RELN: variants seen among roughly 807,000 people sequenced by gnomAD.
RELN encodes the protein reelin.
In RELN, 108 loss-of-function variants were observed where a neutral mutation model predicts 427.6. The ratio of observed to expected loss-of-function variants is 0.25; its 90% CI spans 0.22 to 0.30. The LOEUF (loss-of-function observed/expected upper bound fraction) is 0.30. Among genes scored for constraint, RELN ranks in the 10% least tolerant of loss-of-function variants. The pLI, the probability that RELN is intolerant of heterozygous loss-of-function variation, is 1.00. For missense variants in RELN, 3,715 were observed against 4,302.8 expected (o/e 0.86, Z 3.82); for synonymous variants, 1,524 against 1,513.4 (o/e 1.01, Z -0.16).
At chr7:103,952,975 A>G (rs1044988100) in intron 1 of RELN, among the ~76,000 whole-genome samples, 1 of 152,126 alleles carries the variant, frequency 6.6e-6, no homozygotes, top group African/African-American at 2.4e-5. Context: ...CTCGCTATGC[A>G]CTCATTAGAT....
chr7:103,877,132 G>A (rs898460769), intron 2 of RELN, among the ~76,000 whole-genome samples: 1 of 151,850 alleles, frequency 6.6e-6, no homozygotes, highest in African/African-American at 2.4e-5. Flanking sequence ...ATAAATATTG[G>A]TACACCTCAG....
At chr7:103,729,609 GT>G (rs1369378241) in intron 6 of RELN, among the ~76,000 whole-genome samples, 1 of 152,042 alleles carries the variant, frequency 6.6e-6, no homozygotes, top group South Asian at 2.1e-4. Context: ...TCTTCCCTTG[GT>G]TACTGTGAAG....
At chr7:103,585,337 T>G (rs908900054) in intron 28 of RELN, among the ~76,000 whole-genome samples, 9 of 151,898 alleles carry the variant, frequency 5.9e-5, no homozygotes, top group African/African-American at 2.2e-4. Flanking sequence ...GAGAGAAGAT[T>G]CAAATAAGCA....
chr7:103,693,530 C>A (rs1460861675), intron 10 of RELN, among the ~76,000 whole-genome samples: 1 of 137,038 alleles, frequency 7.3e-6, no homozygotes. Context: ...AGAACTATAA[C>A]AAAATCCAGC....
intron 2 of RELN, among the ~76,000 whole-genome samples, chr7:103,839,302 G>GTTTTTTTTTTTTTTTTTTT (rs1793492405): frequency 1.3e-5 from 1 of 75,048 alleles, no homozygotes; most frequent in African/African-American, 4.9e-5. Context: ...AGTGGTCTTT[G>GTTTTTTTTTTTTTTTTTTT]CTTTTTTTTT....
intron 4 of RELN, among the ~76,000 whole-genome samples, chr7:103,755,076 A>G (rs1339198795): frequency 1.3e-5 from 2 of 152,128 alleles, no homozygotes; most frequent in Non-Finnish European, 2.9e-5. Flanking sequence ...TCTTTCAAGA[A>G]GGTTAGCTGC....
intron 51 of RELN, among the ~76,000 whole-genome samples, chr7:103,504,147 T>G (rs1322245762): frequency 6.6e-6 from 1 of 152,048 alleles, no homozygotes; most frequent in Admixed American, 6.6e-5. Flanking sequence ...GAGGTTGCAG[T>G]GAACCAAGAT....
intron 41 of RELN, among the ~76,000 whole-genome samples, chr7:103,549,463 C>T (rs1229569949): frequency 6.6e-6 from 1 of 152,200 alleles, no homozygotes; most frequent in Non-Finnish European, 1.5e-5. Context: ...TGAATTGAGA[C>T]ATGTGAATTT....
Position 103,920,593 on chromosome 7 carries a change from T to TTTTTTTTTTTGA in RELN, c.227-3409_227-3408insTCAAAAAAAAAA, listed in dbSNP as rs57282777. Among the ~76,000 whole-genome samples the TTTTTTTTTTTGA allele has an allele frequency of 1.5e-3, 194 of 129,344 alleles. 1 individual carries two copies. Among genetic ancestry groups the TTTTTTTTTTTGA allele is most frequent in the African/African-American group, 5.6e-3 (184 of 32,800 alleles). 84.9% of individuals were successfully genotyped at this position (129,344 alleles called of 152,430 possible). On this transcript the variant is annotated intron_variant, in intron 1 of 64. Transcript: ENST00000428762. ...TTTTTTTTTTTGTTTTTTTTTTTTT[T>TTTTTTTTTTTGA]GAGAGAGTCTCGCTCTCTTACCCAG... is the stretch of plus-strand genomic sequence containing the variant.
intron 46 of RELN, among the ~76,000 whole-genome samples, chr7:103,534,644 T>G (rs79410722): frequency 9.9e-5 from 15 of 151,956 alleles, no homozygotes; most frequent in Admixed American, 7.2e-4. Context: ...GGTACCACCA[T>G]GCCTGGCTAA....
intron 2 of RELN, among the ~76,000 whole-genome samples, chr7:103,909,265 T>G (rs1795285069): frequency 6.6e-6 from 1 of 152,002 alleles, no homozygotes; most frequent in African/African-American, 2.4e-5. Flanking sequence ...AATTAGCAAG[T>G]TTGTAATAGG....
chr7:103,523,938 A>C (rs1829765240), intron 46 of RELN, among the ~76,000 whole-genome samples: 1 of 152,154 alleles, frequency 6.6e-6, no homozygotes, highest in African/African-American at 2.4e-5. Context: ...CAGCCTCCCA[A>C]AGTGCGGGGA....
At chr7:103,615,426 G>A (rs999818695) in intron 20 of RELN, among the ~76,000 whole-genome samples, 7 of 152,038 alleles carry the variant, frequency 4.6e-5, no homozygotes, top group East Asian at 3.9e-4. Flanking sequence ...TGATCAGGTC[G>A]GAAGCCTGTC....
At chr7:103,795,654 A>G (rs900703023) in intron 3 of RELN, among the ~76,000 whole-genome samples, 1 of 152,196 alleles carries the variant, frequency 6.6e-6, no homozygotes, top group African/African-American at 2.4e-5. Flanking sequence ...TGTTTTTGCA[A>G]ACAAAGGCAG....
chr7:103,833,482 G>T lies in RELN; in HGVS notation c.473+55C>A. The stretch of plus-strand genomic sequence containing the variant: ...ATAGTTACTCTATATGTAATCCCAT[G>T]AGAAGTCCTAAGTATTTGCCTTCTG... On this transcript the variant is annotated intron_variant, in intron 3 of 64. Transcript: ENST00000428762. The T allele has an allele frequency of 2.7e-6, 4 of 1,459,088 alleles. No individual in the cohort carries two copies. The South Asian group carries it at 4.6e-5, about 17-fold the overall frequency. The allele number at this position is 1,459,088 out of a possible 1,614,324, so 90.4% of individuals were successfully genotyped here.
At chr7:103,851,782 T>C (rs7807465) in intron 2 of RELN, among the ~76,000 whole-genome samples, 45,693 of 152,126 alleles carry the variant, frequency 0.3, 7,348 homozygotes, top group East Asian at 0.62. Flanking sequence ...ACCAAATAGC[T>C]GTATGCTCCT....
intron 3 of RELN, among the ~76,000 whole-genome samples, chr7:103,787,190 G>A (rs1476329043): frequency 1.3e-5 from 2 of 152,022 alleles, no homozygotes; most frequent in East Asian, 3.9e-4. Flanking sequence ...CTGGGACACA[G>A]TAAAAGCAGT....
At chr7:103,503,861 T>A (rs1711973873) in intron 51 of RELN, among the ~76,000 whole-genome samples, 1 of 147,608 alleles carries the variant, frequency 6.8e-6, no homozygotes, top group South Asian at 2.1e-4. Flanking sequence ...TTTCTATAAA[T>A]TTTTTTCTCC....
At chr7:103,674,838 C>A (rs955148601) in intron 11 of RELN, among the ~76,000 whole-genome samples, 1 of 152,102 alleles carries the variant, frequency 6.6e-6, no homozygotes, top group African/African-American at 2.4e-5. Context: ...ATTCAACAGC[C>A]CTTCATACTA....
Sources: allele counts gnomAD v4.1 joint callset (sites outside exome capture counted in the v4.1 genomes callset), GRCh38; gene constraint gnomAD v4.1.1; transcripts MANE v1.5; gene names NCBI Gene and HGNC (gene_info 2026-07-23, HGNC 2026-07-21).